The following WDR81 variants were observed in gnomAD, a reference collection of about 807,000 sequenced individuals.
WDR81 encodes the protein WD repeat domain 81.
Under a neutral mutation model 140.8 loss-of-function variants are expected in WDR81, and 92 were observed. The ratio of observed to expected loss-of-function variants is 0.65; its 90% confidence interval spans 0.55 to 0.78. WDR81 has a LOEUF of 0.78. Among genes scored for constraint, WDR81 ranks in the 30% least tolerant of loss-of-function variants. The pLI is 0.00. For missense variants in WDR81, 2,502 were observed against 2,636.4 expected, an observed-to-expected ratio of 0.95 and a Z score of 1.12; for synonymous variants, 1,183 against 1,156.4, an observed-to-expected ratio of 1.02 and a Z score of -0.47.
chr17:1,720,377 C>T (rs1481957384), upstream of WDR81, among the ~76,000 whole-genome samples: 3 of 152,218 alleles, frequency 2.0e-5, no homozygotes, highest in African/African-American at 4.8e-5. Context: ...CTGTTACAGA[C>T]GTTACTTCTC....
At chr17:1,734,379 C>A (rs1289268100) in intron 7 of WDR81, 163 bp downstream of exon 7, 1 of 426,408 alleles carries the variant, frequency 2.3e-6, no homozygotes, top group Non-Finnish European at 3.1e-6. Context: ...AGACTTGAGT[C>A]TGAATTGGCT....
chr17:1,716,679 G>T (rs896897992), intron 1 of WDR81: 1 of 1,546,714 alleles, frequency 6.5e-7, no homozygotes, highest in Non-Finnish European at 8.7e-7. Context: ...GCCCGGGGAA[G>T]TCCTTAAAGG....
At position 1,724,954 on chromosome 17, in the gene WDR81, G is replaced by T. The variant is rs1048582836; in HGVS notation, c.-6G>T. 3.5e-6 allele frequency: 5 copies of T among 1,427,984 alleles called. No individual in the cohort carries two copies. Among genetic ancestry groups the T allele is most frequent in the Non-Finnish European group, 4.6e-6 (5 of 1,095,458 alleles). The allele number at this position is 1,427,984 out of a possible 1,614,324, so 88.5% of individuals were successfully genotyped here. On this transcript the variant is annotated 5_prime_UTR_variant, in exon 1 of 10. Coordinates refer to ENST00000409644, the MANE Select transcript of WDR81 (RefSeq NM_001163809.2). ...CCCCGCGCTGCCCCCGGGCGGCCTG[G>T]AGGAGATGGCCCAGGGCAGCGGGGG... is the stretch of plus-strand genomic sequence containing the variant.
Position 1,725,447 on chromosome 17 carries a change from GTCACAGCCC to G in WDR81, c.490_498del (p.His164_Pro166del). 1.3e-6 allele frequency: 2 copies of G among 1,549,450 alleles called. No individual in the cohort carries two copies. Among genetic ancestry groups the G allele is most frequent in the Non-Finnish European group, 1.7e-6 (2 of 1,146,988 alleles). On this transcript the variant is annotated inframe_deletion, in exon 1 of 10. Transcript: ENST00000409644. The stretch of plus-strand genomic sequence containing the variant: ...TACCACACTTACGGCCAGCCGTACA[GTCACAGCCC>G]TGCCCCCTCAGCTGTCCCTGCCTTG...
At chr17:1,724,676 G>T (rs1915088865), upstream of WDR81, 1 of 1,055,564 alleles carries the variant, frequency 9.5e-7, no homozygotes, top group South Asian at 4.6e-5. Context: ...GCTTGTTTCC[G>T]TGCTGGGGCG....
Position 1,725,875 on chromosome 17 carries a change from T to TC in WDR81, c.916_917insC (p.Tyr306SerfsTer2). The TC allele has an allele frequency of 1.9e-6, 3 of 1,550,800 alleles. No homozygotes were observed. The highest frequency in any genetic ancestry group is 2.6e-6 in the Non-Finnish European group (3 of 1,146,916). On this transcript the variant is annotated frameshift_variant, in exon 1 of 10. Coordinates refer to ENST00000409644, the MANE Select transcript of WDR81 (RefSeq NM_001163809.2). LOFTEE classifies it high-confidence loss of function. The stretch of plus-strand genomic sequence containing the variant: ...CGAGCTGCGACTGGACCTGAGTGCT[T>TC]ATGAGAGGCCCGAGGAGGACGAGAA...
In WDR81 at chr17:1,737,378, G is replaced by C; in HGVS notation, c.5519G>C (p.Ser1840Thr). The change falls in exon 10 of 10, where the codon AGC becomes ACC. Residue 1840 changes from serine (S) to threonine (T), a missense_variant. Around this residue, in one of 3 missense-constraint regions of WDR81, gnomAD observed 1,737 missense variants for 1,843.0 expected, o/e 0.94. Transcript: ENST00000409644. The part of the protein sequence containing the change: ...DILQIKAVEG[S>T]VLVSSSSDHS... The stretch of plus-strand genomic sequence containing the variant: ...CTCCCGGGACAGGCGGTGGAGGGCA[G>C]CGTCCTGGTCAGCTCCTCCTCTGAC... 1 of 1,608,422 alleles carries C rather than the reference G, an allele frequency of 6.2e-7. No homozygotes were observed. The highest frequency in any genetic ancestry group is 8.5e-7 in the Non-Finnish European group (1 of 1,177,102).
chr17:1,718,238 C>T (rs535827444), intron 1 of WDR81, among the ~76,000 whole-genome samples: 7 of 152,288 alleles, frequency 4.6e-5, no homozygotes, highest in Admixed American at 1.3e-4. Context: ...CTCCTTCAGC[C>T]TCCTGAGTAG....
chr17:1,721,259 T>C (rs192137715), upstream of WDR81, among the ~76,000 whole-genome samples: 6 of 152,230 alleles, frequency 3.9e-5, no homozygotes, highest in African/African-American at 1.4e-4. Flanking sequence ...CTCGGGATGC[T>C]GAGGCAGGAG....
chr17:1,725,331 C>A lies in WDR81; in HGVS notation c.372C>A (p.Pro124=). 2 of 1,549,032 alleles carry A rather than the reference C, an allele frequency of 1.3e-6. No homozygotes were observed. The highest frequency in any genetic ancestry group is 1.7e-6 in the Non-Finnish European group (2 of 1,146,970). The change falls in exon 1 of 10, where the codon CCC becomes CCA. Residue 124 remains proline (P), a synonymous_variant. Coordinates refer to ENST00000409644, the MANE Select transcript of WDR81 (RefSeq NM_001163809.2). The part of the protein sequence containing the change: ...RLSYPLGGGL[P]FEDGSCGPET... ...CCTACCCTCTGGGCGGGGGCCTGCCCTTTGAGGACGGGTCCTGCGGCCCTG... is the reference window on the plus strand; with the variant it reads ...CCTACCCTCTGGGCGGGGGCCTGCCATTTGAGGACGGGTCCTGCGGCCCTG...
In WDR81 at chr17:1,733,799, G is replaced by T. The variant is rs545492840; in HGVS notation, c.4762G>T (p.Val1588Leu). 6 of 1,612,186 alleles carry T rather than the reference G, an allele frequency of 3.7e-6. No homozygotes were observed. The South Asian group carries it at 4.4e-5, about 12-fold the overall frequency. ...NPGPLGPISG[V>L]GGGGLGSGSD... ...CGGACCACTGGGCCCCATCTCGGGG[G>T]TGGGTGGCGGGGGCCTGGGCAGCGG... Residue 1588 changes from valine (V) to leucine (L), a missense_variant, in exon 7 of 10, where the codon GTG becomes TTG. This residue lies in a region of WDR81 where 1,737 missense variants were observed against 1,843.0 expected (regional missense o/e 0.94). Coordinates refer to ENST00000409644, the MANE Select transcript of WDR81 (RefSeq NM_001163809.2).
rs536660822 is a variant in WDR81, at chr17:1,730,370, C to T, written c.3668-10C>T. On this transcript the variant is annotated splice_polypyrimidine_tract_variant and intron_variant, in intron 1 of 9. Coordinates refer to ENST00000409644, the MANE Select transcript of WDR81 (RefSeq NM_001163809.2). ...ATCTGAGGAGCTCAGGGCCTGCTCC[C>T]ACCCCGCAGATACAGCCTGCAAGAT... 2 of 1,607,814 alleles carry T rather than the reference C, an allele frequency of 1.2e-6. No homozygotes were observed. The highest frequency in any genetic ancestry group is 1.3e-5 in the African/African-American group (1 of 74,968).
Position 1,730,526 on chromosome 17 carries a change from C to T in WDR81, c.3775+39C>T, listed in dbSNP as rs116784773. ...CGGTCAGTGCTGGAGATGAGGCTTT[C>T]TCCCAGGCCCTCTGCCTAGCTTCAG... On this transcript the variant is annotated intron_variant, in intron 2 of 9. Coordinates refer to ENST00000409644, the MANE Select transcript of WDR81 (RefSeq NM_001163809.2). 2.4e-4 allele frequency: 374 copies of T among 1,578,962 alleles called. No homozygotes were observed. In the African/African-American group the frequency reaches 4.6e-3, roughly 19 times the overall value.
Position 1,727,270 on chromosome 17 carries a change from A to T in WDR81, c.2311A>T (p.Met771Leu). The change falls in exon 1 of 10, where the codon ATG becomes TTG. Residue 771 changes from methionine to leucine, a missense_variant. Met to Leu is a conservative substitution (Grantham distance 15). Around this residue, in one of 3 missense-constraint regions of WDR81, gnomAD observed 1,737 missense variants for 1,843.0 expected, o/e 0.94. Transcript: ENST00000409644. ...ACTGCAGTGCCTACTCCACAGGGAC[A>T]TGCAGGCGCTGGGTGTCCTATTGGC... ...VPLQCLLHRD[M>L]QALGVLLAEM... is the part of the protein sequence containing the mutation. 1 of 1,550,306 alleles carries T rather than the reference A, an allele frequency of 6.5e-7. No individual in the cohort carries two copies. Among genetic ancestry groups the T allele is most frequent in the Non-Finnish European group, 8.7e-7 (1 of 1,146,962 alleles).
Position 1,733,732 on chromosome 17 carries a change from G to C in WDR81, c.4695G>C (p.Gly1565=), listed in dbSNP as rs967246076. The change falls in exon 7 of 10, where the codon GGG becomes GGC. Residue 1565 remains glycine, a synonymous_variant. Transcript: ENST00000409644. The part of the protein sequence containing the change: ...HSGTFGSVLV[G]NRIQIPNDSR... Reference sequence around the variant, plus strand: ...GGACCTTTGGGAGCGTCCTGGTGGGGAACCGCATTCAGATCCCCAATGACT... The same window carrying C: ...GGACCTTTGGGAGCGTCCTGGTGGGCAACCGCATTCAGATCCCCAATGACT... 1.2e-6 allele frequency: 2 copies of C among 1,612,656 alleles called. No individual in the cohort carries two copies. The highest frequency in any genetic ancestry group is 1.7e-6 in the Non-Finnish European group (2 of 1,179,864).
At position 1,735,655 on chromosome 17, in the gene WDR81, A is replaced by G; in HGVS notation, c.5263A>G (p.Ile1755Val). The G allele has an allele frequency of 6.2e-7, 1 of 1,612,960 alleles. No individual in the cohort carries two copies. Among genetic ancestry groups the G allele is most frequent in the South Asian group, 1.1e-5 (1 of 91,068 alleles). The change falls in exon 8 of 10, where the codon ATC becomes GTC. Residue 1755 changes from isoleucine (I) to valine (V), a missense_variant. By Grantham distance (29) the Ile-to-Val change is conservative (BLOSUM62 3). Transcript: ENST00000409644. The surrounding 1 kb of genome is among the most constrained non-coding windows in gnomAD (Gnocchi z 4.2). ...TGTCATGCCCGCCCCCCACACCAGCATCACCATGGCCAGCTCTGACTCTAC... is the reference window on the plus strand; with the variant it reads ...TGTCATGCCCGCCCCCCACACCAGCGTCACCATGGCCAGCTCTGACTCTAC... ...VAVMPAPHTS[I>V]TMASSDSTLR...
In WDR81 at chr17:1,727,197, G is replaced by T; in HGVS notation, c.2238G>T (p.Gly746=). ...KTGNFLAKGL[G]GLLEVPEQPR... Reference sequence around the variant, plus strand: ...GCAACTTCTTGGCCAAAGGCCTAGGGGGCCTGTTGGAGGTGCCTGAGCAGC... The same window carrying T: ...GCAACTTCTTGGCCAAAGGCCTAGGTGGCCTGTTGGAGGTGCCTGAGCAGC... The change falls in exon 1 of 10, where the codon GGG becomes GGT. Residue 746 remains glycine (G), a synonymous_variant. Coordinates refer to ENST00000409644, the MANE Select transcript of WDR81 (RefSeq NM_001163809.2). 1 of 1,549,912 alleles carries T rather than the reference G, an allele frequency of 6.5e-7. No homozygotes were observed. Among genetic ancestry groups the T allele is most frequent in the South Asian group, 1.2e-5 (1 of 84,054 alleles).
chr17:1,737,619 C>G lies in WDR81; in HGVS notation c.5760C>G (p.Ala1920=). The change falls in exon 10 of 10, where the codon GCC becomes GCG. Residue 1920 remains alanine (A), a synonymous_variant. Coordinates refer to ENST00000409644, the MANE Select transcript of WDR81 (RefSeq NM_001163809.2). ...ENFRGTLTSL[A]LLPTKRHLLL... ...TCCGCGGCACGCTCACCAGCCTGGC[C>G]TTGCTGCCCACTAAACGCCACCTCC... 1 of 1,612,688 alleles carries G rather than the reference C, an allele frequency of 6.2e-7. No individual in the cohort carries two copies. The highest frequency in any genetic ancestry group is 8.5e-7 in the Non-Finnish European group (1 of 1,179,980).
chr17:1,727,043 C>G lies in WDR81; in HGVS notation c.2084C>G (p.Ala695Gly), dbSNP rs762780117. 336 of 1,550,242 alleles carry G rather than the reference C, an allele frequency of 2.2e-4. No individual in the cohort carries two copies. Among genetic ancestry groups the G allele is most frequent in the Non-Finnish European group, 2.9e-4 (329 of 1,146,944 alleles). ...ASPGLLSFSV[A>G]SASRPGRRNK... is the part of the protein sequence containing the mutation. ...CCTGGACTTCTCTCTTTCTCAGTGGCCTCAGCCTCCCGTCCAGGCCGCAGG... is the reference window on the plus strand; with the variant it reads ...CCTGGACTTCTCTCTTTCTCAGTGGGCTCAGCCTCCCGTCCAGGCCGCAGG... The change falls in exon 1 of 10, where the codon GCC becomes GGC. Residue 695 changes from alanine to glycine, a missense_variant. Ala to Gly is a moderately conservative substitution (Grantham distance 60, BLOSUM62 0). Coordinates refer to ENST00000409644, the MANE Select transcript of WDR81 (RefSeq NM_001163809.2).
Sources: allele counts gnomAD v4.1 joint callset (sites outside exome capture counted in the v4.1 genomes callset), GRCh38; gene constraint gnomAD v4.1.1; regional missense constraint gnomAD v4.1.1; non-coding constraint Gnocchi (gnomAD v3.1); transcripts MANE v1.5; gene names NCBI Gene and HGNC (gene_info 2026-07-23, HGNC 2026-07-21).